The following RBFOX1 variants were observed in gnomAD, a reference collection of about 807,000 sequenced individuals.
The protein encoded by RBFOX1 is RNA binding protein fox-1 homolog 1.
Under a neutral mutation model 57.7 loss-of-function variants are expected in RBFOX1, and 8 were observed. That is an observed-to-expected ratio of 0.14 (90% confidence interval 0.08 to 0.25). RBFOX1 has a LOEUF of 0.25. RBFOX1 is among the 10% of genes least tolerant of loss of function. The pLI is 1.00. For synonymous variants in RBFOX1, 326 were observed against 222.4 expected (o/e 1.47, Z -4.15); for missense variants, 611 against 548.5 (o/e 1.11, Z -1.14).
chr16:5,588,756 G>A (rs2046911956), intron 2 of RBFOX1, among the ~76,000 whole-genome samples: 1 of 152,170 alleles, frequency 6.6e-6, no homozygotes, highest in Non-Finnish European at 1.5e-5. Flanking sequence ...AGGGTCGGGG[G>A]GAAATGGAGT....
At chr16:6,595,367 AATGTTGTACC>A (rs1449394330) in intron 2 of RBFOX1, among the ~76,000 whole-genome samples, 1 of 152,204 alleles carries the variant, frequency 6.6e-6, no homozygotes, top group Non-Finnish European at 1.5e-5. Flanking sequence ...AAGGGCCATC[AATGTTGTACC>A]ATGTGTCAAT....
chr16:7,427,898 C>G (rs907551380), intron 4 of RBFOX1, among the ~76,000 whole-genome samples: 1 of 152,190 alleles, frequency 6.6e-6, no homozygotes, highest in African/African-American at 2.4e-5. Context: ...AGATGATCTG[C>G]CTGCCTTGGC....
In RBFOX1 at chr16:6,487,144, C is replaced by CTGTGTGTGTGTG. The variant is rs60180975; in HGVS notation, c.-63-167433_-63-167422dup. ...GGGGTTTCAGTAAGTTGTGGGGTTT[C>CTGTGTGTGTGTG]TGTGTGTGTGTGTGTGTGTGTGTGT... On this transcript the variant is annotated intron_variant, in intron 2 of 15. Coordinates refer to ENST00000550418, the MANE Select transcript of RBFOX1 (RefSeq NM_018723.4). Among the ~76,000 whole-genome samples, 570 of 140,212 alleles carry CTGTGTGTGTGTG rather than the reference C, an allele frequency of 4.1e-3. 3 individuals are homozygous for CTGTGTGTGTGTG. Among genetic ancestry groups the CTGTGTGTGTGTG allele is most frequent in the African/African-American group, 0.012 (449 of 37,688 alleles). The allele number at this position is 140,212 out of a possible 152,430, so 92.0% of individuals were successfully genotyped here.
At chr16:6,651,291 G>A (rs1362906407) in intron 2 of RBFOX1, among the ~76,000 whole-genome samples, 2 of 152,186 alleles carry the variant, frequency 1.3e-5, no homozygotes, top group African/African-American at 4.8e-5. Flanking sequence ...GCTACAGACC[G>A]TGCAACGGCC....
intron 2 of RBFOX1, among the ~76,000 whole-genome samples, chr16:5,501,769 A>G (rs2043205616): frequency 6.6e-6 from 1 of 152,148 alleles, no homozygotes; most frequent in Non-Finnish European, 1.5e-5. Context: ...GCTGGAGTGT[A>G]GTGGTGCGGT....
intron 4 of RBFOX1, among the ~76,000 whole-genome samples, chr16:7,335,651 C>G (rs942654549): frequency 6.7e-6 from 1 of 149,740 alleles, no homozygotes; most frequent in Non-Finnish European, 1.5e-5. Context: ...GACTTTAAGA[C>G]GGCATCCACC....
intron 2 of RBFOX1, among the ~76,000 whole-genome samples, chr16:6,517,186 C>G (rs940265422): frequency 6.6e-6 from 1 of 152,164 alleles, no homozygotes; most frequent in Non-Finnish European, 1.5e-5. Flanking sequence ...TCGCTTCTGA[C>G]AAGCCACTTT....
chr16:6,400,636 C>A (rs2093030874), intron 2 of RBFOX1, among the ~76,000 whole-genome samples: 1 of 152,198 alleles, frequency 6.6e-6, no homozygotes. Context: ...GTAATCCCAG[C>A]ACTGTGGGAG....
At chr16:6,471,124 G>T (rs1008319979) in intron 2 of RBFOX1, among the ~76,000 whole-genome samples, 1 of 152,034 alleles carries the variant, frequency 6.6e-6, no homozygotes, top group Non-Finnish European at 1.5e-5. Context: ...TCCCTGCCTG[G>T]TCTTCAGACA....
At position 6,560,969 on chromosome 16, in the gene RBFOX1, A is replaced by G. The variant is rs114151803; in HGVS notation, c.-63-93634A>G. On this transcript the variant is annotated intron_variant, in intron 2 of 15. Transcript: ENST00000550418. ...CAGAGGCATGTGCTGTAGATAGTCA[A>G]TGTGCAAATTTCAACTTGTATCCAT... is the stretch of plus-strand genomic sequence containing the variant. Among the ~76,000 whole-genome samples, 892 of 152,308 alleles carry G rather than the reference A, an allele frequency of 5.9e-3. 9 individuals are homozygous for G. The highest frequency in any genetic ancestry group is 0.02 in the African/African-American group (833 of 41,576).
intron 2 of RBFOX1, among the ~76,000 whole-genome samples, chr16:5,487,698 G>A (rs1361512732): frequency 1.3e-5 from 2 of 152,280 alleles, no homozygotes; most frequent in East Asian, 3.9e-4. Context: ...CAAGATGGTG[G>A]AGCTCATGTC....
chr16:6,300,679 T>A (rs1292388988), intron 1 of RBFOX1, among the ~76,000 whole-genome samples: 1 of 152,210 alleles, frequency 6.6e-6, no homozygotes, highest in East Asian at 1.9e-4. Flanking sequence ...TTCCCTCATA[T>A]GGCATGGGGC....
chr16:5,805,184 G>T (rs1454125135), intron 3 of RBFOX1, among the ~76,000 whole-genome samples: 1 of 152,146 alleles, frequency 6.6e-6, no homozygotes, highest in Non-Finnish European at 1.5e-5. Context: ...AGTGATTCAT[G>T]TGAACAGTAA....
intron 3 of RBFOX1, among the ~76,000 whole-genome samples, chr16:5,749,142 C>G (rs1213465159): frequency 2.0e-5 from 3 of 152,086 alleles, no homozygotes; most frequent in Admixed American, 6.5e-5. Context: ...CTTAGTTTTG[C>G]TGGATATGAA....
intron 3 of RBFOX1, among the ~76,000 whole-genome samples, chr16:6,803,467 C>A (rs2154259663): frequency 6.6e-6 from 1 of 152,224 alleles, no homozygotes; most frequent in Middle Eastern, 3.4e-3. Flanking sequence ...TTATTACTTT[C>A]CTAGGGACTG....
At chr16:6,821,031 C>T (rs373861499) in intron 3 of RBFOX1, among the ~76,000 whole-genome samples, 2 of 152,146 alleles carry the variant, frequency 1.3e-5, no homozygotes, top group African/African-American at 4.8e-5. Flanking sequence ...TAATTCTTAA[C>T]CCTACAAAAC....
intron 5 of RBFOX1, among the ~76,000 whole-genome samples, chr16:7,570,047 C>G (rs2092613310): frequency 6.6e-6 from 1 of 151,728 alleles, no homozygotes; most frequent in African/African-American, 2.4e-5. Context: ...GTGTAAAATA[C>G]AAGATTTCAA....
chr16:6,326,431 G>A (rs573128212), intron 2 of RBFOX1, among the ~76,000 whole-genome samples: 14 of 152,308 alleles, frequency 9.2e-5, no homozygotes, highest in African/African-American at 3.1e-4. Flanking sequence ...GATGTGATTA[G>A]TTTGACCAGA....
chr16:6,941,616 G>T (rs1434261807), intron 3 of RBFOX1, among the ~76,000 whole-genome samples: 2 of 151,680 alleles, frequency 1.3e-5, no homozygotes, highest in African/African-American at 2.4e-5. Flanking sequence ...CCCCTCCTCT[G>T]CCCTTCATAC....
Sources: allele counts gnomAD v4.1 joint callset (sites outside exome capture counted in the v4.1 genomes callset), GRCh38; gene constraint gnomAD v4.1.1; transcripts MANE v1.5; gene names NCBI Gene and HGNC (gene_info 2026-07-23, HGNC 2026-07-21).